DEPDC5: variants seen among roughly 807,000 people sequenced by gnomAD.
DEPDC5 encodes the protein GATOR1 complex protein DEPDC5.
A neutral mutation model predicts 217.3 loss-of-function variants in DEPDC5; 73 were observed. The observed-to-expected ratio is 0.34, with a 90% CI of 0.28 to 0.41. The LOEUF (loss-of-function observed/expected upper bound fraction) is 0.41. Among genes scored for constraint, DEPDC5 ranks in the 10% least tolerant of loss-of-function variants. DEPDC5 has a pLI of 1.00. For missense variants in DEPDC5, 1,675 were observed against 2,070.1 expected (o/e 0.81, Z 3.70); for synonymous variants, 733 against 756.7 (o/e 0.97, Z 0.51).
intron 2 of DEPDC5, among the ~76,000 whole-genome samples, chr22:31,756,137 C>T (rs774503908): frequency 5.9e-5 from 9 of 151,548 alleles, no homozygotes; most frequent in Non-Finnish European, 1.2e-4. Context: ...CCCACCTTAG[C>T]CTCCCAAAGT....
intron 12 of DEPDC5, among the ~76,000 whole-genome samples, chr22:31,795,065 ATTTTTTT>A (rs983604458): frequency 9.3e-6 from 1 of 107,370 alleles, no homozygotes; most frequent in Non-Finnish European, 1.8e-5. Flanking sequence ...ATTCCATGTG[ATTTTTTT>A]TTTTTTTTTT....
chr22:31,818,693 A>G (rs1190908723), intron 21 of DEPDC5, among the ~76,000 whole-genome samples: 2 of 152,168 alleles, frequency 1.3e-5, no homozygotes, highest in Non-Finnish European at 2.9e-5. Flanking sequence ...TCCTTTCCCA[A>G]GGGAGACAAC....
rs560920172 is a variant in DEPDC5 at position 31,777,049 on chromosome 22, G to T, written c.414-1050G>T. Among the ~76,000 whole-genome samples the T allele has an allele frequency of 3.2e-4, 46 of 143,088 alleles. 1 individual carries two copies. The South Asian group carries it at 0.01, about 32-fold the overall frequency. The allele number at this position is 143,088 out of a possible 152,430, so 93.9% of individuals were successfully genotyped here. Reference sequence around the variant, plus strand: ...GCGATCTCGGCTCACTGAAACCTCCGCCTCCTGGGTTCAAACGGTTCTCCT... The same window carrying T: ...GCGATCTCGGCTCACTGAAACCTCCTCCTCCTGGGTTCAAACGGTTCTCCT... On this transcript the variant is annotated intron_variant, in intron 7 of 42. Transcript: ENST00000651528.
chr22:31,890,593 C>T (rs1028578949), intron 38 of DEPDC5, among the ~76,000 whole-genome samples: 7 of 151,956 alleles, frequency 4.6e-5, no homozygotes, highest in Non-Finnish European at 1.0e-4. Context: ...CCTGTAGGCC[C>T]AGCTACCTGG....
At chr22:31,868,646 C>T (rs1210694347) in intron 33 of DEPDC5, among the ~76,000 whole-genome samples, 1 of 152,074 alleles carries the variant, frequency 6.6e-6, no homozygotes, top group African/African-American at 2.4e-5. Context: ...AGGGTGGCCT[C>T]GAACTCCTGG....
rs191141516 is a variant in DEPDC5 at position 31,893,318 on chromosome 22, C to T, written c.4034-264C>T. Among the ~76,000 whole-genome samples, 6 of 152,202 alleles carry T rather than the reference C, an allele frequency of 3.9e-5. No individual in the cohort carries two copies. The East Asian group carries it at 5.8e-4, about 15-fold the overall frequency. On this transcript the variant is annotated intron_variant, in intron 38 of 42. Coordinates refer to ENST00000651528, the MANE Select transcript of DEPDC5 (RefSeq NM_001242896.3). Reference sequence around the variant, plus strand: ...ACAGCCAGGCACCTTCATTATGTAACGTTTGTGGCTGCTTTTGCACTACAA... The same window carrying T: ...ACAGCCAGGCACCTTCATTATGTAATGTTTGTGGCTGCTTTTGCACTACAA...
intron 32 of DEPDC5, among the ~76,000 whole-genome samples, chr22:31,860,238 C>A (rs191092766): frequency 1.5e-4 from 23 of 152,286 alleles, no homozygotes; most frequent in Non-Finnish European, 2.9e-4. Context: ...CCAACTGTTT[C>A]CCCAAGGAAC....
intron 27 of DEPDC5, among the ~76,000 whole-genome samples, chr22:31,842,124 T>C (rs766296505): frequency 1.3e-4 from 20 of 152,244 alleles, no homozygotes; most frequent in Admixed American, 4.6e-4. Context: ...GAAGTTTTAA[T>C]TTGTAAGGGG....
chr22:31,797,515 C>A, intron 12 of DEPDC5, 85 bp from the exon 13 acceptor site: 2 of 1,119,462 alleles, frequency 1.8e-6, no homozygotes, highest in Non-Finnish European at 2.7e-6. Flanking sequence ...ATGGGTATTA[C>A]AATTTGAGAT....
chr22:31,836,063 A>G (rs1364897899), intron 25 of DEPDC5, among the ~76,000 whole-genome samples: 1 of 152,232 alleles, frequency 6.6e-6, no homozygotes, highest in African/African-American at 2.4e-5. Context: ...CTTCACTTAA[A>G]TTACTTAAAG....
At chr22:31,825,584 C>G (rs1251896477) in intron 24 of DEPDC5, among the ~76,000 whole-genome samples, 1 of 152,102 alleles carries the variant, frequency 6.6e-6, no homozygotes, top group African/African-American at 2.4e-5. Flanking sequence ...CTTCCTCTTC[C>G]ACTCCTTCTT....
intron 33 of DEPDC5, among the ~76,000 whole-genome samples, chr22:31,864,573 A>T (rs1311715815): frequency 6.8e-6 from 1 of 147,498 alleles, no homozygotes; most frequent in Non-Finnish European, 1.5e-5. Context: ...TTGTAAAAGG[A>T]AATAAAAAAT....
intron 40 of DEPDC5, among the ~76,000 whole-genome samples, chr22:31,900,803 C>G (rs1280794853): frequency 2.0e-5 from 3 of 151,966 alleles, no homozygotes; most frequent in Non-Finnish European, 4.4e-5. Flanking sequence ...GGTCCAGGCA[C>G]AGTGGCTCAT....
intron 31 of DEPDC5, chr22:31,853,095 G>A (rs2092116871): frequency 6.6e-6 from 1 of 152,214 alleles, no homozygotes; most frequent in Admixed American, 6.5e-5. Context: ...AAAGGAAGAT[G>A]CCAGGACTCT....
intron 38 of DEPDC5, chr22:31,890,262 T>C (rs1399479346): frequency 6.6e-6 from 1 of 152,200 alleles, no homozygotes. Flanking sequence ...TGGCAGAGCT[T>C]AGATCTTCCA....
chr22:31,776,717 G>T (rs920023047), intron 7 of DEPDC5, among the ~76,000 whole-genome samples: 3 of 151,218 alleles, frequency 2.0e-5, no homozygotes, highest in Non-Finnish European at 2.9e-5. Context: ...GAGATTATAG[G>T]TACCCACCAC....
At chr22:31,905,509 G>A (rs2093740985) in intron 41 of DEPDC5, among the ~76,000 whole-genome samples, 1 of 151,956 alleles carries the variant, frequency 6.6e-6, no homozygotes, top group Non-Finnish European at 1.5e-5. Flanking sequence ...CTTCCCTGGA[G>A]GAATGGATAG....
chr22:31,787,925 A>ACTT (rs1409172936), intron 10 of DEPDC5, among the ~76,000 whole-genome samples: 2 of 152,062 alleles, frequency 1.3e-5, no homozygotes, highest in Admixed American at 1.3e-4. Flanking sequence ...AATATGTAGA[A>ACTT]CTTCTGTAAC....
intron 28 of DEPDC5, among the ~76,000 whole-genome samples, 183 bp downstream of exon 28, chr22:31,843,395 T>A (rs2091515786): frequency 6.6e-6 from 1 of 152,214 alleles, no homozygotes; most frequent in Non-Finnish European, 1.5e-5. Flanking sequence ...AAAAGGGATT[T>A]GATTCATCTT....
Sources: gnomAD v4.1 joint callset for allele counts (sites outside exome capture counted in the v4.1 genomes callset) on GRCh38, gnomAD v4.1.1 for gene constraint, MANE v1.5 for transcripts, NCBI Gene and HGNC (gene_info 2026-07-23, HGNC 2026-07-21) for gene names.